The following FLACC1 variants were observed in gnomAD, a reference collection of about 807,000 sequenced individuals.
FLACC1 encodes the protein flagellum associated containing coiled-coil domains 1.
A neutral mutation model predicts 62.8 loss-of-function variants in FLACC1; 66 were observed. The observed-to-expected ratio is 1.05, with a 90% CI of 0.86 to 1.29. FLACC1 has a LOEUF of 1.29. Ranked by LOEUF, FLACC1 falls within the 50% of genes most tolerant of loss-of-function variation. The probability of loss-of-function intolerance (pLI) is 0.00; values close to 1 mark genes in which losing one functional copy is unlikely to be tolerated. For missense variants in FLACC1, 452 were observed against 489.1 expected (o/e 0.92, Z 0.71); for synonymous variants, 156 against 161.0 (o/e 0.97, Z 0.24).
Position 201,288,410 on chromosome 2 carries a change from A to AAAT in FLACC1, c.*242_*244dup, listed in dbSNP as rs934202468. The AAAT allele has an allele frequency of 2.7e-5, 10 of 374,280 alleles. No homozygotes were observed. Among genetic ancestry groups the AAAT allele is most frequent in the Non-Finnish European group, 4.7e-5 (10 of 211,356 alleles). The allele number at this position is 374,280 out of a possible 1,614,324, so 23.2% of individuals were successfully genotyped here. A position where few individuals can be genotyped will look rare whatever the true frequency, so the allele number is the denominator to read the frequency against. ...AACGAAATACGTCAAGGTAGAAGAA[A>AAAT]AATAGTACAAAACTCAGAGAAAGCT... On this transcript the variant is annotated 3_prime_UTR_variant, in exon 15 of 15. Coordinates refer to ENST00000392257, the MANE Select transcript of FLACC1 (RefSeq NM_001127391.3).
intron 12 of FLACC1, among the ~76,000 whole-genome samples, chr2:201,290,893 G>T (rs529806214): frequency 6.6e-6 from 1 of 152,296 alleles, no homozygotes; most frequent in East Asian, 1.9e-4. Context: ...CCCATGCCTG[G>T]CTCATAAGGT....
chr2:201,328,488 C>T (rs762065540), intron 9 of FLACC1, among the ~76,000 whole-genome samples: 26 of 152,144 alleles, frequency 1.7e-4, no homozygotes, highest in Non-Finnish European at 2.8e-4. Context: ...TGCAGTGGCA[C>T]GATCTCGGCT....
At chr2:201,329,040 C>A (rs1950545608) in intron 9 of FLACC1, among the ~76,000 whole-genome samples, 1 of 152,154 alleles carries the variant, frequency 6.6e-6, no homozygotes, top group Admixed American at 6.5e-5. Context: ...TAAGCCCCTT[C>A]CCCAGTCCCA....
intron 9 of FLACC1, among the ~76,000 whole-genome samples, chr2:201,313,353 C>A (rs1269164970): frequency 1.3e-5 from 2 of 152,100 alleles, no homozygotes; most frequent in East Asian, 3.9e-4. Flanking sequence ...TGGAAACAGA[C>A]TTGGTACTAC....
chr2:201,356,636 T>C (rs1951122743), intron 1 of FLACC1, among the ~76,000 whole-genome samples: 1 of 152,344 alleles, frequency 6.6e-6, no homozygotes, highest in Non-Finnish European at 1.5e-5. Flanking sequence ...CATAATAGAT[T>C]TTTTAAATTA....
chr2:201,351,248 G>T, intron 2 of FLACC1, 44 bp downstream of exon 2: 5 of 1,471,386 alleles, frequency 3.4e-6, no homozygotes, highest in Non-Finnish European at 4.7e-6. Flanking sequence ...GCTACAAATG[G>T]ATCCCAAGGT....
At position 201,292,510 on chromosome 2, in the gene FLACC1, G is replaced by GAGC. The variant is rs1428720051; in HGVS notation, c.943-2728_943-2726dup. ...TGGTCACACCAGGCCTGCCTTAAAA[G>GAGC]AGCTCCTGAAGGAAACACTAAACAT... On this transcript the variant is annotated intron_variant, in intron 12 of 14. Transcript: ENST00000392257. 3.3e-5 allele frequency among the ~76,000 whole-genome samples: 5 copies of GAGC among 152,294 alleles called. No individual in the cohort carries two copies. In the East Asian group the frequency reaches 9.6e-4, roughly 29 times the overall value.
intron 4 of FLACC1, among the ~76,000 whole-genome samples, chr2:201,347,659 A>C (rs1458394288): frequency 6.6e-6 from 1 of 151,938 alleles, no homozygotes; most frequent in African/African-American, 2.4e-5. Context: ...AAGAAAGAAA[A>C]GAAACTAGAT....
Position 201,288,523 on chromosome 2 carries a change from A to G in FLACC1, c.*132T>C. On this transcript the variant is annotated 3_prime_UTR_variant, in exon 15 of 15. Transcript: ENST00000392257. ...GATGCGAATTCAAACATTTTCAGAC[A>G]TTCAGAGAGTCAGAGCAACCCAAGA... 9.1e-7 allele frequency: 1 copy of G among 1,100,062 alleles called. No homozygotes were observed. Among genetic ancestry groups the G allele is most frequent in the Non-Finnish European group, 1.3e-6 (1 of 783,750 alleles). 68.1% of individuals were successfully genotyped at this position (1,100,062 alleles called of 1,614,324 possible). A position where few individuals can be genotyped will look rare whatever the true frequency, so the allele number is the denominator to read the frequency against.
chr2:201,352,424 T>C (rs1289590123), intron 1 of FLACC1, among the ~76,000 whole-genome samples: 1 of 152,240 alleles, frequency 6.6e-6, no homozygotes, highest in Non-Finnish European at 1.5e-5. Context: ...GCTTATCTTC[T>C]TTCTTTTCCA....
intron 1 of FLACC1, among the ~76,000 whole-genome samples, chr2:201,353,280 CA>C (rs1951061990): frequency 6.6e-6 from 1 of 152,250 alleles, no homozygotes; most frequent in African/African-American, 2.4e-5. Flanking sequence ...GTGACTTAGC[CA>C]AAAAGTGAAC....
intron 3 of FLACC1, among the ~76,000 whole-genome samples, chr2:201,349,425 C>T (rs6714736): frequency 0.64 from 96,473 of 151,924 alleles, 31,299 homozygotes; most frequent in South Asian, 0.79. Context: ...TTGCCTGCAT[C>T]TTTTTTCTAT....
intron 9 of FLACC1, among the ~76,000 whole-genome samples, chr2:201,325,382 G>A (rs1428252417): frequency 6.6e-6 from 1 of 151,880 alleles, no homozygotes; most frequent in Non-Finnish European, 1.5e-5. Flanking sequence ...CTGGTTCTTT[G>A]AAAAAATAAA....
intron 11 of FLACC1, among the ~76,000 whole-genome samples, chr2:201,306,672 AT>A (rs1950113490): frequency 6.6e-6 from 1 of 152,206 alleles, no homozygotes; most frequent in African/African-American, 2.4e-5. Context: ...AAGTAAAAAA[AT>A]GATCATTGCC....
chr2:201,299,420 T>C, intron 11 of FLACC1, 120 bp from the exon 12 acceptor site: 1 of 723,708 alleles, frequency 1.4e-6, no homozygotes, highest in Non-Finnish European at 2.4e-6. Flanking sequence ...GACACTGCTA[T>C]AATGAAGCAC....
At chr2:201,345,482 GTGTA>G (rs1196466798) in intron 5 of FLACC1, among the ~76,000 whole-genome samples, 128 of 146,684 alleles carry the variant, frequency 8.7e-4, no homozygotes, top group African/African-American at 3.0e-3. Context: ...GTGTGTGTGT[GTGTA>G]TGTGTGTGTG....
chr2:201,354,012 T>C (rs552978905), intron 1 of FLACC1, among the ~76,000 whole-genome samples: 18 of 152,344 alleles, frequency 1.2e-4, no homozygotes, highest in African/African-American at 3.6e-4. Flanking sequence ...TCTAAGTCTA[T>C]GATTAGTTTT....
At chr2:201,357,667 A>T (rs1951141321), upstream of FLACC1, among the ~76,000 whole-genome samples, 1 of 152,200 alleles carries the variant, frequency 6.6e-6, no homozygotes, top group African/African-American at 2.4e-5. Context: ...TCTGTGATGG[A>T]TTTTTAATTC....
At chr2:201,348,456 C>T (rs1041380699) in intron 3 of FLACC1, among the ~76,000 whole-genome samples, 154 bp from the exon 4 acceptor site, 26 of 152,262 alleles carry the variant, frequency 1.7e-4, no homozygotes, top group East Asian at 3.9e-4. Flanking sequence ...TCACTGAAGC[C>T]GGGCTCCTGA....
Sources: allele counts gnomAD v4.1 joint callset (sites outside exome capture counted in the v4.1 genomes callset), GRCh38; gene constraint gnomAD v4.1.1; transcripts MANE v1.5; gene names NCBI Gene and HGNC (gene_info 2026-07-23, HGNC 2026-07-21).